Variants in PPP2R5E observed in about 807,000 individuals in gnomAD.
The protein encoded by PPP2R5E is protein phosphatase 2 regulatory subunit B'epsilon.
In PPP2R5E, 4 loss-of-function variants were observed where a neutral mutation model predicts 65.3. The observed-to-expected ratio is 0.06, with a 90% CI of 0.03 to 0.14. The LOEUF is 0.14. PPP2R5E is among the 10% of genes least tolerant of loss of function. PPP2R5E has a pLI of 1.00. For missense variants in PPP2R5E, 274 were observed against 556.1 expected (o/e 0.49, Z 5.10); for synonymous variants, 183 against 187.4 (o/e 0.98, Z 0.19).
At chr14:63,412,383 A>G (rs1390814441) in intron 5 of PPP2R5E, among the ~76,000 whole-genome samples, 5 of 152,266 alleles carry the variant, frequency 3.3e-5, no homozygotes, top group Non-Finnish European at 7.3e-5. Context: ...CTACAGCAAG[A>G]AATGCTCATG....
intron 3 of PPP2R5E, among the ~76,000 whole-genome samples, chr14:63,446,760 CA>C (rs1438549396): frequency 6.9e-6 from 1 of 145,720 alleles, no homozygotes; most frequent in Non-Finnish European, 1.5e-5. Context: ...ACCCAGGAGG[CA>C]GAGCTTGCAG....
At chr14:63,396,306 G>A (rs1403132493) in intron 6 of PPP2R5E, among the ~76,000 whole-genome samples, 1 of 102,512 alleles carries the variant, frequency 9.8e-6, no homozygotes, top group Non-Finnish European at 2.0e-5. Flanking sequence ...AAGAAGCAGT[G>A]GGGGGAGGAG....
At chr14:63,425,938 T>C (rs180699290) in intron 3 of PPP2R5E, among the ~76,000 whole-genome samples, 24 of 152,360 alleles carry the variant, frequency 1.6e-4, no homozygotes, top group Admixed American at 1.4e-3. Context: ...GGCAGGTAGT[T>C]CTATAAGTAT....
At chr14:63,481,609 T>A (rs1434850748) in intron 2 of PPP2R5E, among the ~76,000 whole-genome samples, 1 of 152,122 alleles carries the variant, frequency 6.6e-6, no homozygotes, top group Non-Finnish European at 1.5e-5. Context: ...CACAGTCCTA[T>A]GCATTTCATT....
At chr14:63,490,909 T>C (rs2139632619) in intron 2 of PPP2R5E, among the ~76,000 whole-genome samples, 1 of 152,064 alleles carries the variant, frequency 6.6e-6, no homozygotes, top group South Asian at 2.1e-4. Flanking sequence ...AAATAAATGG[T>C]TGTTCAACCA....
intron 3 of PPP2R5E, among the ~76,000 whole-genome samples, chr14:63,423,172 G>GC: frequency 6.6e-6 from 1 of 152,214 alleles, no homozygotes; most frequent in East Asian, 1.9e-4. Flanking sequence ...TTGGCTCACT[G>GC]CAACCTCCTG....
intron 2 of PPP2R5E, among the ~76,000 whole-genome samples, chr14:63,516,265 A>G (rs1892667758): frequency 6.6e-6 from 1 of 152,248 alleles, no homozygotes; most frequent in Non-Finnish European, 1.5e-5. Flanking sequence ...TATCTTGAGA[A>G]AAGAATGAGA....
intron 4 of PPP2R5E, among the ~76,000 whole-genome samples, chr14:63,417,966 T>C (rs2139870846): frequency 6.6e-6 from 1 of 152,282 alleles, no homozygotes; most frequent in South Asian, 2.1e-4. Context: ...GATTTAAATG[T>C]TTCTTCTCAC....
intron 5 of PPP2R5E, among the ~76,000 whole-genome samples, chr14:63,399,366 CTTTTTTTTTTT>C (rs397814218): frequency 8.4e-4 from 41 of 48,522 alleles, no homozygotes; most frequent in South Asian, 4.4e-3. Flanking sequence ...GGATTTCTTT[CTTTTTTTTTTT>C]TTTTTTTTTT....
At chr14:63,511,389 C>T (rs926439592) in intron 2 of PPP2R5E, among the ~76,000 whole-genome samples, 5 of 152,118 alleles carry the variant, frequency 3.3e-5, no homozygotes, top group South Asian at 2.1e-4. Context: ...CCTTGCCAAC[C>T]GTCATGTATG....
intron 13 of PPP2R5E, among the ~76,000 whole-genome samples, chr14:63,380,041 C>T (rs1398906557): frequency 1.3e-5 from 2 of 151,050 alleles, no homozygotes; most frequent in Admixed American, 6.6e-5. Flanking sequence ...CACCATTCGG[C>T]CAGGATGGTC....
intron 4 of PPP2R5E, among the ~76,000 whole-genome samples, chr14:63,420,875 A>AC (rs2139882003): frequency 7.5e-6 from 1 of 133,360 alleles, no homozygotes; most frequent in African/African-American, 3.2e-5. Context: ...AAACGGTGAA[A>AC]CCCCGTCTCT....
chr14:63,471,432 G>T (rs963805278), intron 2 of PPP2R5E, among the ~76,000 whole-genome samples: 4 of 152,128 alleles, frequency 2.6e-5, no homozygotes, highest in African/African-American at 2.4e-5. Flanking sequence ...AAAAAGATAC[G>T]CATTCTAAAG....
chr14:63,476,847 T>A (rs1375740986), intron 2 of PPP2R5E, among the ~76,000 whole-genome samples: 7 of 152,144 alleles, frequency 4.6e-5, no homozygotes, highest in Admixed American at 4.6e-4. Flanking sequence ...CTTAACTGAA[T>A]AAGAAGCTAC....
At chr14:63,537,354 T>C (rs1893706358) in intron 2 of PPP2R5E, among the ~76,000 whole-genome samples, 3 of 152,224 alleles carry the variant, frequency 2.0e-5, no homozygotes, top group Admixed American at 2.0e-4. Context: ...GTCTCCCAAC[T>C]TTGTATTTCA....
chr14:63,397,532 G>C (rs1421083149), intron 5 of PPP2R5E, among the ~76,000 whole-genome samples: 5 of 127,482 alleles, frequency 3.9e-5, no homozygotes, highest in Non-Finnish European at 8.2e-5. Flanking sequence ...AAAAAAAAAG[G>C]ATAAGCCTTC....
chr14:63,373,368 GGACA>G lies in PPP2R5E; in HGVS notation c.*2637_*2640del, dbSNP rs1182644867. 11 of 152,180 alleles carry G rather than the reference GGACA, an allele frequency of 7.2e-5. No individual in the cohort carries two copies. Among genetic ancestry groups the G allele is most frequent in the African/African-American group, 2.7e-4 (11 of 41,434 alleles). The allele number at this position is 152,180 out of a possible 1,614,324, so 9.4% of individuals were successfully genotyped here. A position where few individuals can be genotyped will look rare whatever the true frequency, so the allele number is the denominator to read the frequency against. ...GCAGCAACAGCAGAATTGTGGGAAG[GGACA>G]GAGAGAGAGGGCTGCTGCAAATGCA... On this transcript the variant is annotated 3_prime_UTR_variant, in exon 14 of 14. Transcript: ENST00000337537.
chr14:63,528,239 T>C lies in PPP2R5E; in HGVS notation c.157+11290A>G, dbSNP rs563153035. On this transcript the variant is annotated intron_variant, in intron 2 of 13. Coordinates refer to ENST00000337537, the MANE Select transcript of PPP2R5E (RefSeq NM_006246.5). Reference sequence around the variant, plus strand: ...TAATTACTATTATGAGCCAATATTATAAAATGTAAGTTTTACAAATCAGAG... The same window carrying C: ...TAATTACTATTATGAGCCAATATTACAAAATGTAAGTTTTACAAATCAGAG... 1.3e-4 allele frequency among the ~76,000 whole-genome samples: 20 copies of C among 152,314 alleles called. No homozygotes were observed. In the East Asian group the frequency reaches 3.9e-3, roughly 29 times the overall value.
At chr14:63,530,409 T>C (rs1893373373) in intron 2 of PPP2R5E, among the ~76,000 whole-genome samples, 1 of 151,640 alleles carries the variant, frequency 6.6e-6, no homozygotes, top group Non-Finnish European at 1.5e-5. Context: ...ATTTTTGTAT[T>C]TTTAATAGAG....
Sources: allele counts gnomAD v4.1 joint callset (sites outside exome capture counted in the v4.1 genomes callset), GRCh38; gene constraint gnomAD v4.1.1; transcripts MANE v1.5; gene names NCBI Gene and HGNC (gene_info 2026-07-23, HGNC 2026-07-21).